COL4A5: variants seen among roughly 807,000 people sequenced by gnomAD.
COL4A5 encodes the protein collagen alpha-5(IV) chain.
In COL4A5, 26 loss-of-function variants were observed where a neutral mutation model predicts 130.2. The observed-to-expected ratio is 0.20, with a 90% CI of 0.15 to 0.28. COL4A5 has a LOEUF of 0.28. Ranked by LOEUF, COL4A5 falls within the 10% of genes least tolerant of loss-of-function variation. The probability of loss-of-function intolerance (pLI) is 1.00; values close to 1 mark genes in which losing one functional copy is unlikely to be tolerated. For synonymous variants in COL4A5, 496 were observed against 439.6 expected (o/e 1.13, Z -1.60); for missense variants, 1,131 against 1,344.3 (o/e 0.84, Z 2.48).
chrX:108,622,900 G>A, intron 33 of COL4A5, 75 bp downstream of exon 33: 1 of 1,002,859 alleles, frequency 1.0e-6, no homozygotes, highest in South Asian at 2.2e-5. Context: ...CATGAAAAGT[G>A]ACTTATAATA....
At position 108,624,248 on chromosome X, in the gene COL4A5, T is replaced by A; in HGVS notation, c.2930T>A (p.Val977Asp). Residue 977 changes from valine to aspartate, a missense_variant, in exon 34 of 53, where the codon GTT becomes GAT. Val to Asp is a radical substitution (Grantham distance 152). Transcript: ENST00000328300. ...GEPGLPGIPG[V>D]SGPKGYQGLP... ...TCATTCTTGGAAGGTATACCTGGAG[T>A]TTCAGGGCCAAAAGGTTATCAGGGT... 1 of 1,209,067 alleles carries A rather than the reference T, an allele frequency of 8.3e-7. No homozygotes were observed. Among genetic ancestry groups the A allele is most frequent in the Non-Finnish European group, 1.1e-6 (1 of 893,520 alleles).
At chrX:108,464,835 G>T (rs1436895180) in intron 1 of COL4A5, among the ~76,000 whole-genome samples, 1 of 112,224 alleles carries the variant, frequency 8.9e-6, no homozygotes, top group Non-Finnish European at 1.9e-5. Context: ...CATGGGAGTT[G>T]CCTGGGGAAA....
intron 10 of COL4A5, 86 bp from the exon 11 acceptor site, chrX:108,577,866 C>A: frequency 1.3e-6 from 1 of 785,010 alleles, no homozygotes; most frequent in Non-Finnish European, 1.8e-6. Flanking sequence ...GGCTTTTTCA[C>A]ACCTTACTCT....
intron 48 of COL4A5, 139 bp from the exon 49 acceptor site, chrX:108,687,343 A>G: frequency 1.8e-6 from 1 of 546,654 alleles, no homozygotes; most frequent in Non-Finnish European, 3.2e-6. Flanking sequence ...AGCCCATGAT[A>G]TCTGACAATG....
At chrX:108,468,273 G>A (rs962004884) in intron 1 of COL4A5, among the ~76,000 whole-genome samples, 3 of 110,990 alleles carry the variant, frequency 2.7e-5, no homozygotes, top group Non-Finnish European at 5.7e-5. Context: ...GGTTAGGAAT[G>A]CTCAACCTGT....
At chrX:108,653,080 T>C (rs1406194119) in intron 36 of COL4A5, among the ~76,000 whole-genome samples, 2 of 112,083 alleles carry the variant, frequency 1.8e-5, no homozygotes, top group Non-Finnish European at 3.8e-5. Flanking sequence ...AAATTCATTG[T>C]TTTCAATGAG....
At chrX:108,501,915 G>A (rs1291215193) in intron 1 of COL4A5, among the ~76,000 whole-genome samples, 3 of 112,331 alleles carry the variant, frequency 2.7e-5, no homozygotes. Flanking sequence ...AGGAAACCAA[G>A]GGAGAAGGAA....
chrX:108,644,919 C>CAAAAAAA (rs778790757), intron 36 of COL4A5, among the ~76,000 whole-genome samples: 3 of 47,502 alleles, frequency 6.3e-5, no homozygotes, highest in East Asian at 1.1e-3. Context: ...ACAACAACAA[C>CAAAAAAA]AAAAAAAAAA....
rs1212232547 is a variant in COL4A5 at position 108,668,392 on chromosome X, C to A, written c.3678C>A (p.Gly1226=). The change falls in exon 41 of 53, where the codon GGC becomes GGA. Residue 1226 remains glycine, a synonymous_variant. Transcript: ENST00000328300. ...PGLPGPKGEP[G]FHGFPGVQGP... is the part of the protein sequence containing the mutation. The stretch of plus-strand genomic sequence containing the variant: ...TTCCAGGTCCAAAGGGCGAACCAGG[C>A]TTTCACGGTTTCCCTGGTGTGCAGG... The A allele has an allele frequency of 8.3e-7, 1 of 1,210,925 alleles. No homozygotes were observed. Among genetic ancestry groups the A allele is most frequent in the Admixed American group, 2.2e-5 (1 of 46,074 alleles).
intron 25 of COL4A5, among the ~76,000 whole-genome samples, chrX:108,600,437 A>G (rs1188177167): frequency 9.0e-6 from 1 of 111,363 alleles, no homozygotes; most frequent in Non-Finnish European, 1.9e-5. Flanking sequence ...TCATGTTTCC[A>G]TTAATAAGAA....
chrX:108,519,108 G>A lies in COL4A5; in HGVS notation c.82-20638G>A, dbSNP rs1490591056. ...TCTTTTATTGATAGCATTTGTTAGG[G>A]AGAAATAACAAGATTTGTTTATGGA... On this transcript the variant is annotated intron_variant, in intron 1 of 52. Coordinates refer to ENST00000328300, the MANE Select transcript of COL4A5 (RefSeq NM_033380.3). 5.4e-5 allele frequency among the ~76,000 whole-genome samples: 6 copies of A among 111,169 alleles called. No homozygotes were observed. In the Admixed American group the frequency reaches 5.7e-4, roughly 11 times the overall value.
intron 1 of COL4A5, among the ~76,000 whole-genome samples, chrX:108,500,203 G>T (rs971799699): frequency 3.6e-5 from 4 of 111,942 alleles, no homozygotes; most frequent in Non-Finnish European, 5.6e-5. Context: ...AAAATACTGC[G>T]TGGTAATTAA....
chrX:108,576,777 A>G (rs938599379), intron 10 of COL4A5, among the ~76,000 whole-genome samples: 5 of 112,198 alleles, frequency 4.5e-5, no homozygotes, highest in Non-Finnish European at 9.4e-5. Flanking sequence ...GAAGGAAATA[A>G]TGTTTGATAA....
chrX:108,490,000 T>C (rs2064980131), intron 1 of COL4A5, among the ~76,000 whole-genome samples: 1 of 111,613 alleles, frequency 9.0e-6, no homozygotes, highest in Non-Finnish European at 1.9e-5. Flanking sequence ...AGAAATAATA[T>C]AGAGAGATCC....
chrX:108,468,721 G>T (rs1160731324), intron 1 of COL4A5, among the ~76,000 whole-genome samples: 1 of 109,339 alleles, frequency 9.1e-6, no homozygotes, highest in Non-Finnish European at 1.9e-5. Context: ...ATTTGGTCAT[G>T]GTTTATAATT....
rs1363769193 is a variant in COL4A5 at position 108,544,719 on chromosome X, G to A, written c.141+4914G>A. 8.1e-5 allele frequency among the ~76,000 whole-genome samples: 9 copies of A among 110,878 alleles called. No individual in the cohort carries two copies. The Admixed American group carries it at 8.6e-4, about 11-fold the overall frequency. On this transcript the variant is annotated intron_variant, in intron 2 of 52. Coordinates refer to ENST00000328300, the MANE Select transcript of COL4A5 (RefSeq NM_033380.3). ...CTCCTTGTACCTCTGGTAGAATTCG[G>A]CTGTGAATCCATCTGGTCCTGGACT...
intron 37 of COL4A5, among the ~76,000 whole-genome samples, chrX:108,657,190 G>A (rs1441441768): frequency 2.7e-5 from 3 of 110,191 alleles, no homozygotes; most frequent in African/African-American, 9.9e-5. Context: ...TGAGGTAGGG[G>A]TCAAGGTTCA....
At chrX:108,689,212 G>T in intron 49 of COL4A5, 1 of 243,520 alleles carries the variant, frequency 4.1e-6, no homozygotes, top group Non-Finnish European at 5.7e-6. Context: ...TAATTTAATC[G>T]AATAATAAAT....
At chrX:108,554,875 C>T (rs1413885501) in intron 2 of COL4A5, among the ~76,000 whole-genome samples, 1 of 111,175 alleles carries the variant, frequency 9.0e-6, no homozygotes, top group Non-Finnish European at 1.9e-5. Context: ...TAACCACCCC[C>T]CAAAACAAAC....
Sources: allele counts gnomAD v4.1 joint callset (sites outside exome capture counted in the v4.1 genomes callset), GRCh38; gene constraint gnomAD v4.1.1; transcripts MANE v1.5; gene names NCBI Gene and HGNC (gene_info 2026-07-23, HGNC 2026-07-21).